ARHGEF10: variants seen among roughly 807,000 people sequenced by gnomAD.
ARHGEF10 encodes the protein Rho guanine nucleotide exchange factor 10, also known as Rho guanine nucleotide exchange factor (GEF) 10.
A neutral mutation model predicts 147.4 loss-of-function variants in ARHGEF10; 140 were observed. The ratio of observed to expected loss-of-function variants is 0.95; its 90% CI spans 0.83 to 1.09. ARHGEF10 has a LOEUF of 1.09. Among genes scored for constraint, ARHGEF10 ranks in the 50% least tolerant of loss-of-function variants. ARHGEF10 has a pLI of 0.00. For missense variants in ARHGEF10, 2,222 were observed against 1,752.7 expected (o/e 1.27, Z -4.78); for synonymous variants, 902 against 695.8 (o/e 1.30, Z -4.67).
At chr8:1,869,042 G>A in intron 6 of ARHGEF10, 152 bp from the exon 7 acceptor site, 1 of 709,574 alleles carries the variant, frequency 1.4e-6, no homozygotes, top group Non-Finnish European at 2.5e-6. Context: ...TTGGGACAAA[G>A]AACGAAAAAG....
chr8:1,930,964 C>T (rs550157169), intron 25 of ARHGEF10, among the ~76,000 whole-genome samples: 5 of 152,226 alleles, frequency 3.3e-5, no homozygotes, highest in Admixed American at 6.5e-5. Flanking sequence ...GTGGGTGCCC[C>T]GGCCTGGATT....
At chr8:1,856,604 T>C (rs1400228950) in intron 2 of ARHGEF10, among the ~76,000 whole-genome samples, 1 of 151,580 alleles carries the variant, frequency 6.6e-6, no homozygotes, top group Non-Finnish European at 1.5e-5. Flanking sequence ...CTGCGTGGAG[T>C]GTAAGTGGGT....
At chr8:1,932,736 A>G (rs994740288) in intron 25 of ARHGEF10, among the ~76,000 whole-genome samples, 1 of 152,230 alleles carries the variant, frequency 6.6e-6, no homozygotes, top group Non-Finnish European at 1.5e-5. Context: ...GAGCTTGCAT[A>G]GTTGCCTTTT....
At position 1,928,572 on chromosome 8, in the gene ARHGEF10, G is replaced by A. The variant is rs142804443; in HGVS notation, c.2843G>A (p.Gly948Glu). 1 of 1,614,204 alleles carries A rather than the reference G, an allele frequency of 6.2e-7. No individual in the cohort carries two copies. The highest frequency in any genetic ancestry group is 1.3e-5 in the African/African-American group (1 of 75,054). The change falls in exon 24 of 29, where the codon GGG becomes GAG. Residue 948 changes from glycine (G) to glutamate (E), a missense_variant. By Grantham distance (98) the Gly-to-Glu change is moderately conservative. Coordinates refer to ENST00000349830, the MANE Select transcript of ARHGEF10 (RefSeq NM_014629.4). The stretch of plus-strand genomic sequence containing the variant: ...GTCGAGGAGAAGCGCAGAGAGCCTG[G>A]GGCACCCCCGGACCCCGAGACCCCG... ...VPVEEKRREPGAPPDPETPAV... is the reference protein window; with the variant it reads ...VPVEEKRREPEAPPDPETPAV...
At chr8:1,909,966 A>G (rs1563271662) in intron 18 of ARHGEF10, among the ~76,000 whole-genome samples, 1 of 152,236 alleles carries the variant, frequency 6.6e-6, no homozygotes, top group Non-Finnish European at 1.5e-5. Context: ...CCAAGGTGAA[A>G]GGAGAGGAGT....
rs1284585758 is a variant in ARHGEF10, at chr8:1,905,275, A to G, written c.1822-296A>G. Among the ~76,000 whole-genome samples, 9 of 152,334 alleles carry G rather than the reference A, an allele frequency of 5.9e-5. No individual in the cohort carries two copies. In the East Asian group the frequency reaches 1.2e-3, roughly 20 times the overall value. On this transcript the variant is annotated intron_variant, in intron 16 of 28. Coordinates refer to ENST00000349830, the MANE Select transcript of ARHGEF10 (RefSeq NM_014629.4). ...CTACCTTTAAGAAGTTAAGATAGTC[A>G]TTTAACTATGCTTAATTAGGTTTAC...
intron 15 of ARHGEF10, among the ~76,000 whole-genome samples, chr8:1,901,126 G>GGGCC (rs897129189): frequency 1.3e-5 from 2 of 152,182 alleles, no homozygotes; most frequent in African/African-American, 4.8e-5. Context: ...TGTGCCTGAG[G>GGGCC]GGCCCTACCT....
intron 26 of ARHGEF10, among the ~76,000 whole-genome samples, chr8:1,944,464 C>T (rs1203669162): frequency 6.6e-6 from 1 of 152,234 alleles, no homozygotes; most frequent in African/African-American, 2.4e-5. Context: ...GCCGGGTTCA[C>T]TGGGCTCTGG....
At chr8:1,863,287 G>T (rs1224211414) in intron 4 of ARHGEF10, among the ~76,000 whole-genome samples, 1 of 152,196 alleles carries the variant, frequency 6.6e-6, no homozygotes, top group Non-Finnish European at 1.5e-5. Flanking sequence ...CGGGCATCTC[G>T]TGTCTGTTGC....
chr8:1,876,438 G>A lies in ARHGEF10; in HGVS notation c.680-133G>A, dbSNP rs554283333. ...TTCCATGGAGCAAGCCCGGGGCTCC[G>A]CAGGGTCCTCAGCATGATTCAGATT... On this transcript the variant is annotated intron_variant, in intron 7 of 28. Transcript: ENST00000349830. 6.7e-5 allele frequency: 65 copies of A among 968,148 alleles called. No homozygotes were observed. In the African/African-American group the frequency reaches 7.6e-4, roughly 11 times the overall value. The allele number at this position is 968,148 out of a possible 1,614,324, so 60.0% of individuals were successfully genotyped here.
Position 1,898,448 on chromosome 8 carries a change from A to G in ARHGEF10, c.1573A>G (p.Ser525Gly), listed in dbSNP as rs749920038. 1.9e-6 allele frequency: 3 copies of G among 1,613,990 alleles called. No homozygotes were observed. The African/African-American group carries it at 4.0e-5, about 22-fold the overall frequency. ...LEFLKQEQEASPDRTTLYSLM... is the reference protein window; with the variant it reads ...LEFLKQEQEAGPDRTTLYSLM... Reference sequence around the variant, plus strand: ...TCCCCCACAGCAGGAACAGGAGGCCAGCCCCGATCGAACCACGCTCTACAG... The same window carrying G: ...TCCCCCACAGCAGGAACAGGAGGCCGGCCCCGATCGAACCACGCTCTACAG... The change falls in exon 15 of 29, where the codon AGC (serine) becomes GGC (glycine). Residue 525 changes from serine to glycine, a missense_variant. Coordinates refer to ENST00000349830, the MANE Select transcript of ARHGEF10 (RefSeq NM_014629.4).
At chr8:1,930,379 C>T (rs533663818) in intron 25 of ARHGEF10, among the ~76,000 whole-genome samples, 341 of 152,316 alleles carry the variant, frequency 2.2e-3, no homozygotes, top group Non-Finnish European at 3.1e-3. Context: ...CCACACCGCC[C>T]AGCTCCCGCC....
At chr8:1,888,672 G>GGGTTTGTGAGGAGACACTGAATAGGGTGA (rs1554493568) in intron 11 of ARHGEF10, among the ~76,000 whole-genome samples, 16 of 116,522 alleles carry the variant, frequency 1.4e-4, no homozygotes, top group African/African-American at 4.3e-4. Context: ...AGTTGGGTGA[G>GGGTTTGTGAGGAGACACTGAATAGGGTGA]GGTTTGTGAG....
intron 7 of ARHGEF10, among the ~76,000 whole-genome samples, chr8:1,874,769 C>G (rs1359672005): frequency 6.7e-6 from 1 of 149,668 alleles, no homozygotes; most frequent in Non-Finnish European, 1.5e-5. Context: ...ACAGTGGAGA[C>G]ACACACCAGG....
In ARHGEF10 at chr8:1,909,471, G is replaced by A. The variant is rs1811190980; in HGVS notation, c.2143+1G>A. ...GCCGTGGTTGCTAACGCGAAACCAAGTAAGTGATGCTTTCTCTCACGTTCG... is the reference window on the plus strand; with the variant it reads ...GCCGTGGTTGCTAACGCGAAACCAAATAAGTGATGCTTTCTCTCACGTTCG... On this transcript the variant is annotated splice_donor_variant, in intron 18 of 28. Transcript: ENST00000349830. LOFTEE classifies it high-confidence loss of function. 6.2e-7 allele frequency: 1 copy of A among 1,613,938 alleles called. No homozygotes were observed. The highest frequency in any genetic ancestry group is 1.1e-5 in the South Asian group (1 of 91,082).
intron 4 of ARHGEF10, among the ~76,000 whole-genome samples, chr8:1,863,002 C>G (rs1359175459): frequency 6.6e-6 from 1 of 151,954 alleles, no homozygotes; most frequent in Non-Finnish European, 1.5e-5. Flanking sequence ...CCAGGATGGA[C>G]TTGATCTCCT....
At chr8:1,923,897 T>A in intron 21 of ARHGEF10, 23 bp downstream of exon 21, 1 of 1,607,618 alleles carries the variant, frequency 6.2e-7, no homozygotes, top group African/African-American at 1.3e-5. Flanking sequence ...TGGCTGAGGC[T>A]GAATGAGGCA....
At chr8:1,865,391 C>T (rs908891704) in intron 5 of ARHGEF10, among the ~76,000 whole-genome samples, 6 of 150,404 alleles carry the variant, frequency 4.0e-5, no homozygotes, top group Non-Finnish European at 8.9e-5. Flanking sequence ...TCCCCCAGCA[C>T]CCAGGGGGTG....
At chr8:1,827,167 C>G (rs1473437691) in intron 1 of ARHGEF10, among the ~76,000 whole-genome samples, 2 of 152,224 alleles carry the variant, frequency 1.3e-5, no homozygotes, top group East Asian at 3.8e-4. Flanking sequence ...TGCCCTGCCA[C>G]CAGCCCCCAC....
Sources: gnomAD v4.1 joint callset for allele counts (sites outside exome capture counted in the v4.1 genomes callset) on GRCh38, gnomAD v4.1.1 for gene constraint, MANE v1.5 for transcripts, NCBI Gene and HGNC (gene_info 2026-07-23, HGNC 2026-07-21) for gene names.